PDXK: variants seen among roughly 807,000 people sequenced by gnomAD.
The protein encoded by PDXK is epididymis secretory sperm binding protein Li 1a.
PDXK carries 15 observed loss-of-function variants against 43.2 expected under a neutral mutation model. The ratio of observed to expected loss-of-function variants is 0.35; its 90% confidence interval spans 0.23 to 0.53. The LOEUF (loss-of-function observed/expected upper bound fraction) is 0.53. Ranked by LOEUF, PDXK falls within the 20% of genes least tolerant of loss-of-function variation. The pLI is 0.92. For synonymous variants in PDXK, 172 were observed against 165.4 expected, an observed-to-expected ratio of 1.04 and a Z score of -0.31; for missense variants, 343 against 417.0, an observed-to-expected ratio of 0.82 and a Z score of 1.54.
chr21:43,728,647 GCGCGCACGTGGGC>G, intron 1 of PDXK: 3 of 624,814 alleles, frequency 4.8e-6, no homozygotes, highest in Non-Finnish European at 5.7e-6. Context: ...TGCCGATAAG[GCGCGCACGTGGGC>G]CCTGGGAGGA....
At chr21:43,740,705 A>C (rs746105446) in intron 2 of PDXK, among the ~76,000 whole-genome samples, 15 of 151,852 alleles carry the variant, frequency 9.9e-5, no homozygotes, top group Admixed American at 3.3e-4. Flanking sequence ...TGGGACGGAC[A>C]CTTCACCCTG....
chr21:43,758,254 T>A lies in PDXK; in HGVS notation c.*2191T>A, dbSNP rs537584011. 152 of 153,750 alleles carry A rather than the reference T, an allele frequency of 9.9e-4. No homozygotes were observed. The highest frequency in any genetic ancestry group is 1.7e-3 in the Non-Finnish European group (118 of 68,058). The allele number at this position is 153,750 out of a possible 1,614,324, so 9.5% of individuals were successfully genotyped here. Reference sequence around the variant, plus strand: ...CTGTATTAAGCAAGAATTAGGAGAATGGCTGTCCCTGCAGGCGCCTCCCGT... The same window carrying A: ...CTGTATTAAGCAAGAATTAGGAGAAAGGCTGTCCCTGCAGGCGCCTCCCGT... On this transcript the variant is annotated 3_prime_UTR_variant, in exon 11 of 11. Coordinates refer to ENST00000291565, the MANE Select transcript of PDXK (RefSeq NM_003681.5).
At chr21:43,720,201 G>T (rs1447120295) in intron 1 of PDXK, among the ~76,000 whole-genome samples, 1 of 152,198 alleles carries the variant, frequency 6.6e-6, no homozygotes, top group Non-Finnish European at 1.5e-5. Context: ...CCAGGACGAC[G>T]GGCACTTCCT....
chr21:43,745,717 C>T (rs923282283), intron 4 of PDXK: 1 of 217,410 alleles, frequency 4.6e-6, no homozygotes, highest in African/African-American at 2.3e-5. Flanking sequence ...AAGAAAAAAG[C>T]CAAATGTGGT....
intron 1 of PDXK, chr21:43,719,668 C>G: frequency 1.0e-6 from 1 of 985,462 alleles, no homozygotes; most frequent in South Asian, 4.7e-5. Flanking sequence ...AGCCGCTCGT[C>G]CTCGCCCCTT....
intron 6 of PDXK, among the ~76,000 whole-genome samples, chr21:43,749,890 C>T (rs1211074295): frequency 6.6e-6 from 1 of 152,194 alleles, no homozygotes; most frequent in Non-Finnish European, 1.5e-5. Flanking sequence ...GTGCATGGCT[C>T]CCCCCAGCTG....
chr21:43,737,236 G>T lies in PDXK; in HGVS notation c.142+3113G>T, dbSNP rs111769791. The T allele has an allele frequency of 7.0e-7, 1 of 1,428,408 alleles. No individual in the cohort carries two copies. The highest frequency in any genetic ancestry group is 2.5e-5 in the East Asian group (1 of 39,460). The allele number at this position is 1,428,408 out of a possible 1,614,324, so 88.5% of individuals were successfully genotyped here. ...TCCCTGACGCCCTTCAGGCTGGGGGGTGGGAAAGCCGATCCCCCAAGTGCC... is the reference window on the plus strand; with the variant it reads ...TCCCTGACGCCCTTCAGGCTGGGGGTTGGGAAAGCCGATCCCCCAAGTGCC... On this transcript the variant is annotated intron_variant, in intron 2 of 10. Transcript: ENST00000291565. This position sits in a 1 kb window ranked among gnomAD's most constrained non-coding sequence, Gnocchi z 4.8.
intron 1 of PDXK, among the ~76,000 whole-genome samples, chr21:43,724,146 C>T (rs566312633): frequency 3.9e-5 from 6 of 152,274 alleles, no homozygotes; most frequent in Admixed American, 2.0e-4. Context: ...TCCGTCGGTG[C>T]GGAGCAGACC....
intron 1 of PDXK, among the ~76,000 whole-genome samples, chr21:43,722,906 C>T (rs1041418441): frequency 1.3e-5 from 2 of 152,182 alleles, no homozygotes; most frequent in African/African-American, 4.8e-5. Context: ...GGCGCGATCT[C>T]GGCTCACTGC....
chr21:43,739,004 A>G (rs1474749907), intron 2 of PDXK: 2 of 140,932 alleles, frequency 1.4e-5, no homozygotes, highest in African/African-American at 5.3e-5. Context: ...CGCGATCTCC[A>G]CTCACTGCAA....
At chr21:43,741,018 G>C (rs117208074) in intron 2 of PDXK, 5,473 of 149,316 alleles carry the variant, frequency 0.037, 178 homozygotes, top group Middle Eastern at 0.069. Context: ...ACAGCAATGG[G>C]GGAGCAACGC....
At position 43,732,342 on chromosome 21, in the gene PDXK, C is replaced by T. The variant is rs1266916148; in HGVS notation, c.88-1727C>T. On this transcript the variant is annotated intron_variant, in intron 1 of 10. Coordinates refer to ENST00000291565, the MANE Select transcript of PDXK (RefSeq NM_003681.5). The surrounding 1 kb of genome is among the most constrained non-coding windows in gnomAD (Gnocchi z 4.1). ...CACCCCGCCCCCCGTGCATTGTCGTCTTCTGAGTCTGGCTTTGTCTGGCAC... is the reference window on the plus strand; with the variant it reads ...CACCCCGCCCCCCGTGCATTGTCGTTTTCTGAGTCTGGCTTTGTCTGGCAC... 6.2e-7 allele frequency: 1 copy of T among 1,608,736 alleles called. No individual in the cohort carries two copies.
At chr21:43,729,403 T>C (rs1451984006) in intron 1 of PDXK, among the ~76,000 whole-genome samples, 4 of 151,914 alleles carry the variant, frequency 2.6e-5, no homozygotes, top group East Asian at 1.9e-4. Flanking sequence ...GAGAGGGGAG[T>C]TGGCCAGGCA....
chr21:43,738,184 A>G (rs1474558625), intron 2 of PDXK: 2 of 336,012 alleles, frequency 6.0e-6, no homozygotes, highest in Non-Finnish European at 8.5e-6. Flanking sequence ...AGAGGCCATC[A>G]GGGCTCTGGG....
Position 43,740,376 on chromosome 21 carries a change from A to G in PDXK, c.143-1291A>G, listed in dbSNP as rs774491310. On this transcript the variant is annotated intron_variant, in intron 2 of 10. Coordinates refer to ENST00000291565, the MANE Select transcript of PDXK (RefSeq NM_003681.5). Reference sequence around the variant, plus strand: ...GTGGGCGCAGAGCCGGCCGTGACCCACAAGTGCGTGATACTTGTACTTTGC... The same window carrying G: ...GTGGGCGCAGAGCCGGCCGTGACCCGCAAGTGCGTGATACTTGTACTTTGC... 9.9e-5 allele frequency among the ~76,000 whole-genome samples: 15 copies of G among 152,128 alleles called. 1 individual carries two copies. Among genetic ancestry groups the G allele is most frequent in the Non-Finnish European group, 2.2e-4 (15 of 67,974 alleles).
rs1282674957 is a variant in PDXK at position 43,757,480 on chromosome 21, G to A, written c.*1417G>A. ...CCACCCCGCTACCTTCCCCACGGAC[G>A]GGCCCCTCCTGGAGCCCATACCCTC... On this transcript the variant is annotated 3_prime_UTR_variant, in exon 11 of 11. Transcript: ENST00000291565. 1 of 152,078 alleles carries A rather than the reference G, an allele frequency of 6.6e-6. No individual in the cohort carries two copies. The highest frequency in any genetic ancestry group is 1.5e-5 in the Non-Finnish European group (1 of 68,006). 9.4% of individuals were successfully genotyped at this position (152,078 alleles called of 1,614,324 possible).
At chr21:43,750,931 T>C (rs1464685081) in intron 7 of PDXK, among the ~76,000 whole-genome samples, 1 of 147,180 alleles carries the variant, frequency 6.8e-6, no homozygotes, top group Non-Finnish European at 1.5e-5. Context: ...TGTGTGTGCG[T>C]ATGTGTGCAC....
chr21:43,739,377 G>A (rs550811112), intron 2 of PDXK, among the ~76,000 whole-genome samples: 2 of 152,270 alleles, frequency 1.3e-5, no homozygotes, highest in Admixed American at 6.5e-5. Context: ...ACTACCGGAC[G>A]TTGGATACAC....
At chr21:43,749,395 G>A (rs909355086) in intron 6 of PDXK, among the ~76,000 whole-genome samples, 2 of 152,242 alleles carry the variant, frequency 1.3e-5, no homozygotes, top group Admixed American at 6.5e-5. Context: ...ATGAGTCATC[G>A]TGCCCAGCAG....
Sources: allele counts gnomAD v4.1 joint callset (sites outside exome capture counted in the v4.1 genomes callset), GRCh38; gene constraint gnomAD v4.1.1; non-coding constraint Gnocchi (gnomAD v3.1); transcripts MANE v1.5; gene names NCBI Gene and HGNC (gene_info 2026-07-23, HGNC 2026-07-21).